PRRT3: variants seen among roughly 807,000 people sequenced by gnomAD.
PRRT3 encodes proline rich transmembrane protein 3.
Under a neutral mutation model 56.6 loss-of-function variants are expected in PRRT3, and 48 were observed. The ratio of observed to expected loss-of-function variants is 0.85; its 90% CI spans 0.67 to 1.08. The LOEUF (loss-of-function observed/expected upper bound fraction) is 1.08. PRRT3 is among the 50% of genes least tolerant of loss of function. PRRT3 has a pLI of 0.00. For synonymous variants in PRRT3, 641 were observed against 619.1 expected (o/e 1.04, Z -0.52); for missense variants, 1,370 against 1,353.1 (o/e 1.01, Z -0.20).
chr3:9,949,809 G>C lies in PRRT3; in HGVS notation c.307C>G (p.Gln103Glu), dbSNP rs1363255585. The change falls in exon 2 of 4, where the codon CAA becomes GAA. Residue 103 changes from glutamine to glutamate, a missense_variant. Coordinates refer to ENST00000412055, the MANE Select transcript of PRRT3 (RefSeq NM_207351.5). The surrounding 1 kb of genome is among the most constrained non-coding windows in gnomAD (Gnocchi z 4.5). Reference sequence around the variant, plus strand: ...GGGAGTCGTTCTCTCTGAGCTCCTTGTGCTGCTTTGGGCCCGTACAGGGCT... The same window carrying C: ...GGGAGTCGTTCTCTCTGAGCTCCTTCTGCTGCTTTGGGCCCGTACAGGGCT... ...GPALYGPKAAQGAQRERLPVT... is the reference protein window; with the variant it reads ...GPALYGPKAAEGAQRERLPVT... 2.5e-6 allele frequency: 4 copies of C among 1,614,046 alleles called. No individual in the cohort carries two copies. The highest frequency in any genetic ancestry group is 1.3e-5 in the African/African-American group (1 of 74,936).
At chr3:9,951,191 A>G (rs1466068316) in intron 1 of PRRT3, among the ~76,000 whole-genome samples, 2 of 152,136 alleles carry the variant, frequency 1.3e-5, no homozygotes, top group African/African-American at 4.8e-5. Context: ...GATATCCCCT[A>G]AAAGTTCCTG....
Position 9,950,169 on chromosome 3 carries a change from G to A in PRRT3, c.-54C>T, listed in dbSNP as rs552355482. ...CCCCACCTTCCAGTCCTCACTGGAT[G>A]AGCCTAAAAAAAAAACAGGGCATGG... is the stretch of plus-strand genomic sequence containing the variant. On this transcript the variant is annotated 5_prime_UTR_variant, in exon 2 of 4. Transcript: ENST00000412055. 21 of 1,312,782 alleles carry A rather than the reference G, an allele frequency of 1.6e-5. No homozygotes were observed. The Admixed American group carries it at 4.5e-4, about 28-fold the overall frequency. 81.3% of individuals were successfully genotyped at this position (1,312,782 alleles called of 1,614,324 possible). A position where few individuals can be genotyped will look rare whatever the true frequency, so the allele number is the denominator to read the frequency against.
Position 9,948,679 on chromosome 3 carries a change from G to A in PRRT3, c.1171+79C>T, listed in dbSNP as rs183091993. 3.8e-5 allele frequency: 57 copies of A among 1,500,584 alleles called. No individual in the cohort carries two copies. In the African/African-American group the frequency reaches 4.7e-4, roughly 12 times the overall value. The allele number at this position is 1,500,584 out of a possible 1,614,324, so 93.0% of individuals were successfully genotyped here. ...TGTCTCCATTCATTCCCCACCCTCC[G>A]CCCCCATACATCCCCAACAGAGGTT... is the stretch of plus-strand genomic sequence containing the variant. On this transcript the variant is annotated intron_variant, in intron 3 of 3. Transcript: ENST00000412055.
In PRRT3 at chr3:9,948,907, GCT is replaced by G. The variant is rs1333880888; in HGVS notation, c.1020_1021del (p.Arg340SerfsTer52). ...GATGGGGTCTGCTCCATTCATTGCT[GCT>G]CTCTCTGAAATGACAAAGCAGTCAT... On this transcript the variant is annotated frameshift_variant, in exon 3 of 4. Coordinates refer to ENST00000412055, the MANE Select transcript of PRRT3 (RefSeq NM_207351.5). LOFTEE classifies it high-confidence loss of function. The G allele has an allele frequency of 6.4e-7, 1 of 1,574,598 alleles. No individual in the cohort carries two copies. The highest frequency in any genetic ancestry group is 8.6e-7 in the Non-Finnish European group (1 of 1,159,892).
chr3:9,946,733 G>C lies in PRRT3; in HGVS notation c.2440C>G (p.Arg814Gly). 11 of 1,510,040 alleles carry C rather than the reference G, an allele frequency of 7.3e-6. 2 individuals carry two copies. The Admixed American group carries it at 1.3e-4, about 18-fold the overall frequency. 93.5% of individuals were successfully genotyped at this position (1,510,040 alleles called of 1,614,324 possible). A position where few individuals can be genotyped will look rare whatever the true frequency, so the allele number is the denominator to read the frequency against. Residue 814 changes from arginine (R) to glycine (G), a missense_variant, in exon 4 of 4, where the codon CGC (arginine) becomes GGC (glycine). By Grantham distance (125) the Arg-to-Gly change is moderately radical. Transcript: ENST00000412055. This position sits in a 1 kb window ranked among gnomAD's most constrained non-coding sequence, Gnocchi z 4.1. ...CGGAAGAGCGCGGCGTCGATGCTGC[G>C]GCTCAGGTTGATGGGCGATGGCGGC... ...LRPPSPINLS[R>G]SIDAALFREH...
Position 9,950,038 on chromosome 3 carries a change from C to T in PRRT3, c.78G>A (p.Leu26=), listed in dbSNP as rs2085599571. ...LLPLLGTGPA[L]GRGFPRPLEN... The stretch of plus-strand genomic sequence containing the variant: ...CAAGTGGCCTGGGAAAGCCCCTCCC[C>T]AGGGCAGGGCCAGTCCCCAGGAGTG... Residue 26 remains leucine (L), a synonymous_variant, in exon 2 of 4, where the codon CTG becomes CTA. Transcript: ENST00000412055. 6.6e-7 allele frequency: 1 copy of T among 1,522,000 alleles called. No homozygotes were observed. The highest frequency in any genetic ancestry group is 1.4e-5 in the African/African-American group (1 of 71,738). The allele number at this position is 1,522,000 out of a possible 1,614,324, so 94.3% of individuals were successfully genotyped here. A position where few individuals can be genotyped will look rare whatever the true frequency, so the allele number is the denominator to read the frequency against.
Position 9,949,928 on chromosome 3 carries a change from TC to T in PRRT3, c.187del (p.Glu63ArgfsTer26). ...SEPQAFDVFP[E>X]NPRADSHRNS... ...CCTGTGACTGTCAGCTCTGGGGTTC[TC>T]CGGGAACACGTCAAAGGCCTGGGGC... On this transcript the variant is annotated frameshift_variant, in exon 2 of 4. Coordinates refer to ENST00000412055, the MANE Select transcript of PRRT3 (RefSeq NM_207351.5). LOFTEE classifies it high-confidence loss of function. The surrounding 1 kb of genome is among the most constrained non-coding windows in gnomAD (Gnocchi z 4.5). The T allele has an allele frequency of 6.2e-7, 1 of 1,609,212 alleles. No individual in the cohort carries two copies. Among genetic ancestry groups the T allele is most frequent in the Non-Finnish European group, 8.5e-7 (1 of 1,177,470 alleles).
rs1243105106 is a variant in PRRT3, at chr3:9,946,856, C to G, written c.2317G>C (p.Gly773Arg). ...CCGCGACCCAACGACGCAGCCGAGC[C>G]CCAGGCGCCTGAACTGGGCGTGGCC... ...QLATPSSGAWGSAASLGRGPQ... is the reference protein window; with the variant it reads ...QLATPSSGAWRSAASLGRGPQ... Residue 773 changes from glycine (G) to arginine (R), a missense_variant, in exon 4 of 4, where the codon GGC becomes CGC. Physicochemically the swap from Gly to Arg is moderately radical, Grantham distance 125. Transcript: ENST00000412055. The surrounding 1 kb of genome is among the most constrained non-coding windows in gnomAD (Gnocchi z 4.1). 6.5e-7 allele frequency: 1 copy of G among 1,539,416 alleles called. No individual in the cohort carries two copies. Among genetic ancestry groups the G allele is most frequent in the African/African-American group, 1.4e-5 (1 of 73,360 alleles).
In PRRT3 at chr3:9,946,475, A is replaced by G; in HGVS notation, c.2698T>C (p.Ser900Pro). 3 of 1,559,686 alleles carry G rather than the reference A, an allele frequency of 1.9e-6. No individual in the cohort carries two copies. Among genetic ancestry groups the G allele is most frequent in the Non-Finnish European group, 2.6e-6 (3 of 1,152,758 alleles). Reference sequence around the variant, plus strand: ...GAGAAGCTGTCGAGGGAGCTGCCAGAAGCCGCAGCGGCTGCCCCGTCGGGT... The same window carrying G: ...GAGAAGCTGTCGAGGGAGCTGCCAGGAGCCGCAGCGGCTGCCCCGTCGGGT... The part of the protein sequence containing the change: ...EAPDGAAAAA[S>P]GSSLDSFSRG... The change falls in exon 4 of 4, where the codon TCT (serine) becomes CCT (proline). Residue 900 changes from serine (S) to proline (P), a missense_variant. Transcript: ENST00000412055. This position sits in a 1 kb window ranked among gnomAD's most constrained non-coding sequence, Gnocchi z 4.1.
rs773571884 is a variant in PRRT3 at position 9,947,931 on chromosome 3, C to G, written c.1242G>C (p.Thr414=). 2.1e-6 allele frequency: 3 copies of G among 1,409,096 alleles called. No individual in the cohort carries two copies. Among genetic ancestry groups the G allele is most frequent in the Non-Finnish European group, 2.8e-6 (3 of 1,085,912 alleles). 87.3% of individuals were successfully genotyped at this position (1,409,096 alleles called of 1,614,324 possible). ...PPAPPVQAPS[T]SRRGLIRVTT... ...TGACTCGAATGAGGCCCCGGCGTGA[C>G]GTCGAGGGGGCCTGGACTGGGGGTG... Residue 414 remains threonine (T), a synonymous_variant, in exon 4 of 4, where the codon ACG becomes ACC. Transcript: ENST00000412055. This position sits in a 1 kb window ranked among gnomAD's most constrained non-coding sequence, Gnocchi z 9.2.
Position 9,949,037 on chromosome 3 carries a change from G to T in PRRT3, c.1015+64C>A. 6.6e-7 allele frequency: 1 copy of T among 1,525,170 alleles called. No individual in the cohort carries two copies. The highest frequency in any genetic ancestry group is 8.8e-7 in the Non-Finnish European group (1 of 1,141,958). The allele number at this position is 1,525,170 out of a possible 1,614,324, so 94.5% of individuals were successfully genotyped here. A position where few individuals can be genotyped will look rare whatever the true frequency, so the allele number is the denominator to read the frequency against. On this transcript the variant is annotated intron_variant, in intron 2 of 3. Transcript: ENST00000412055. This position sits in a 1 kb window ranked among gnomAD's most constrained non-coding sequence, Gnocchi z 4.5. ...AAAATGAGACCTAGAGGGACCCAGG[G>T]TCAAACAGAATTGAGGCATCCAGCT... is the stretch of plus-strand genomic sequence containing the variant.
chr3:9,946,798 C>A lies in PRRT3; in HGVS notation c.2375G>T (p.Gly792Val), dbSNP rs1322870372. Reference protein sequence around the residue: ...PQGGPGLSRNGVGPAPSLSEL... With the variant: ...PQGGPGLSRNVVGPAPSLSEL... ...GCTCAGCGATGGCGCCGGTCCCACA[C>A]CGTTGCGGGACAGTCCCGGGCCACC... is the stretch of plus-strand genomic sequence containing the variant. The change falls in exon 4 of 4, where the codon GGT becomes GTT. Residue 792 changes from glycine to valine, a missense_variant. By Grantham distance (109) the Gly-to-Val change is moderately radical (BLOSUM62 -3). Coordinates refer to ENST00000412055, the MANE Select transcript of PRRT3 (RefSeq NM_207351.5). This position sits in a 1 kb window ranked among gnomAD's most constrained non-coding sequence, Gnocchi z 4.1. The A allele has an allele frequency of 6.4e-7, 1 of 1,551,576 alleles. No individual in the cohort carries two copies. Among genetic ancestry groups the A allele is most frequent in the Non-Finnish European group, 8.6e-7 (1 of 1,156,284 alleles).
chr3:9,952,362 T>A lies in PRRT3; in HGVS notation c.-98A>T, dbSNP rs551404985. On this transcript the variant is annotated 5_prime_UTR_variant, in exon 1 of 4. Coordinates refer to ENST00000412055, the MANE Select transcript of PRRT3 (RefSeq NM_207351.5). The stretch of plus-strand genomic sequence containing the variant: ...CCCGTGTTCACCTTGCGCGCGTCCC[T>A]GCAGCCGATCGCCGCGCCGCATCCT... 29 of 152,316 alleles carry A rather than the reference T, an allele frequency of 1.9e-4. No individual in the cohort carries two copies. The highest frequency in any genetic ancestry group is 6.0e-4 in the African/African-American group (25 of 41,564). The allele number at this position is 152,316 out of a possible 1,614,324, so 9.4% of individuals were successfully genotyped here.
Position 9,945,670 on chromosome 3 carries a change from C to T in PRRT3, c.*557G>A, listed in dbSNP as rs1466863406. ...CATGCCCGAATCCATGCACACCCAC[C>T]CTGTATTCCGCATAAGACACGGCCT... On this transcript the variant is annotated 3_prime_UTR_variant, in exon 4 of 4. Transcript: ENST00000412055. 1 of 153,844 alleles carries T rather than the reference C, an allele frequency of 6.5e-6. No individual in the cohort carries two copies. Among genetic ancestry groups the T allele is most frequent in the East Asian group, 1.9e-4 (1 of 5,190 alleles). The allele number at this position is 153,844 out of a possible 1,614,324, so 9.5% of individuals were successfully genotyped here.
At chr3:9,950,246 G>A (rs370855722) in intron 1 of PRRT3, 74 bp from the exon 2 acceptor site, 114 of 611,432 alleles carry the variant, frequency 1.9e-4, no homozygotes, top group African/African-American at 1.7e-3. Context: ...GGGCTGACAG[G>A]AAAGAAAAGC....
chr3:9,949,148 G>C lies in PRRT3; in HGVS notation c.968C>G (p.Pro323Arg). 2 of 1,611,578 alleles carry C rather than the reference G, an allele frequency of 1.2e-6. No individual in the cohort carries two copies. Among genetic ancestry groups the C allele is most frequent in the Non-Finnish European group, 1.7e-6 (2 of 1,179,268 alleles). ...PDAKDSPGPQPTDPPASEAPD... is the reference protein window; with the variant it reads ...PDAKDSPGPQRTDPPASEAPD... The stretch of plus-strand genomic sequence containing the variant: ...AGCCTCTGAGGCGGGTGGATCCGTG[G>C]GCTGGGGTCCTGGTGAATCCTTAGC... The change falls in exon 2 of 4, where the codon CCC (proline) becomes CGC (arginine). Residue 323 changes from proline to arginine, a missense_variant. Coordinates refer to ENST00000412055, the MANE Select transcript of PRRT3 (RefSeq NM_207351.5). This position sits in a 1 kb window ranked among gnomAD's most constrained non-coding sequence, Gnocchi z 4.5.
chr3:9,947,987 A>T lies in PRRT3; in HGVS notation c.1186T>A (p.Trp396Arg), dbSNP rs1285677448. ...GALQPDEAEEWPGRPQSHPPA... is the reference protein window; with the variant it reads ...GALQPDEAEERPGRPQSHPPA... ...GGATGGCTTTGGGGGCGCCCCGGCC[A>T]CTCCTCGGCTTCATCTGCAATTATA... The change falls in exon 4 of 4, where the codon TGG becomes AGG. Residue 396 changes from tryptophan to arginine, a missense_variant. By Grantham distance (101) the Trp-to-Arg change is moderately radical. Transcript: ENST00000412055. This position sits in a 1 kb window ranked among gnomAD's most constrained non-coding sequence, Gnocchi z 9.2. The T allele has an allele frequency of 1.5e-6, 2 of 1,344,536 alleles. No individual in the cohort carries two copies. Among genetic ancestry groups the T allele is most frequent in the African/African-American group, 1.5e-5 (1 of 66,098 alleles). The allele number at this position is 1,344,536 out of a possible 1,614,324, so 83.3% of individuals were successfully genotyped here.
chr3:9,947,403 C>T lies in PRRT3; in HGVS notation c.1770G>A (p.Leu590=). The T allele has an allele frequency of 6.2e-7, 1 of 1,612,412 alleles. No individual in the cohort carries two copies. The highest frequency in any genetic ancestry group is 8.5e-7 in the Non-Finnish European group (1 of 1,179,622). The part of the protein sequence containing the change: ...VHGVGLLATD[L]LSTWSVLNLL... ...GGTTGAGCACAGACCATGTGGACAGCAGGTCTGTCGCGAGCAACCCTACAC... is the reference window on the plus strand; with the variant it reads ...GGTTGAGCACAGACCATGTGGACAGTAGGTCTGTCGCGAGCAACCCTACAC... Residue 590 remains leucine, a synonymous_variant, in exon 4 of 4, where the codon CTG becomes CTA. Coordinates refer to ENST00000412055, the MANE Select transcript of PRRT3 (RefSeq NM_207351.5). This position sits in a 1 kb window ranked among gnomAD's most constrained non-coding sequence, Gnocchi z 9.2.
In PRRT3 at chr3:9,946,693, C is replaced by A. The variant is rs750416959; in HGVS notation, c.2480G>T (p.Arg827Leu). 6.8e-7 allele frequency: 1 copy of A among 1,463,374 alleles called. No homozygotes were observed. The highest frequency in any genetic ancestry group is 2.5e-5 in the Admixed American group (1 of 39,908). 90.6% of individuals were successfully genotyped at this position (1,463,374 alleles called of 1,614,324 possible). The change falls in exon 4 of 4, where the codon CGA becomes CTA. Residue 827 changes from arginine (R) to leucine (L), a missense_variant. Transcript: ENST00000412055. The surrounding 1 kb of genome is among the most constrained non-coding windows in gnomAD (Gnocchi z 4.1). Reference protein sequence around the residue: ...DAALFREHLVRDSVFQRCGLR... With the variant: ...DAALFREHLVLDSVFQRCGLR... ...GCCGCAGCGCTGGAACACACTGTCT[C>A]GCACTAGGTGCTCGCGGAAGAGCGC...
Sources: gnomAD v4.1 joint callset for allele counts (sites outside exome capture counted in the v4.1 genomes callset) on GRCh38, gnomAD v4.1.1 for gene constraint, Gnocchi (gnomAD v3.1) non-coding constraint, MANE v1.5 for transcripts, NCBI Gene and HGNC (gene_info 2026-07-23, HGNC 2026-07-21) for gene names.